Variants in SH3RF3 observed in about 807,000 individuals in gnomAD.
The protein encoded by SH3RF3 is SH3 domain containing ring finger 3, also known as E3 ubiquitin-protein ligase SH3RF3.
A neutral mutation model predicts 66.3 loss-of-function variants in SH3RF3; 29 were observed. The observed-to-expected ratio is 0.44, with a 90% CI of 0.33 to 0.60. The LOEUF (loss-of-function observed/expected upper bound fraction) is 0.60, where lower values mean the gene tolerates loss of function less well. Ranked by LOEUF, SH3RF3 falls within the 20% of genes least tolerant of loss-of-function variation. SH3RF3 has a pLI of 0.04. For missense variants in SH3RF3, 1,194 were observed against 1,190.9 expected (o/e 1.00, Z -0.04); for synonymous variants, 583 against 532.0 (o/e 1.10, Z -1.32).
intron 1 of SH3RF3, among the ~76,000 whole-genome samples, chr2:109,163,753 G>T (rs574268964): frequency 6.6e-6 from 1 of 152,232 alleles, no homozygotes; most frequent in South Asian, 2.1e-4. Flanking sequence ...AACTGGAATC[G>T]CCATCCTGTG....
At chr2:109,212,582 G>T (rs926316959) in intron 1 of SH3RF3, among the ~76,000 whole-genome samples, 1 of 152,112 alleles carries the variant, frequency 6.6e-6, no homozygotes, top group Non-Finnish European at 1.5e-5. Context: ...AGGAGAAGTC[G>T]GCTGACCCAC....
intron 6 of SH3RF3, among the ~76,000 whole-genome samples, chr2:109,435,108 G>C (rs146752313): frequency 4.1e-4 from 63 of 152,232 alleles, no homozygotes; most frequent in African/African-American, 1.5e-3. Flanking sequence ...TCCAAATCTA[G>C]CCCCGGTAAC....
intron 8 of SH3RF3, among the ~76,000 whole-genome samples, chr2:109,472,867 A>T (rs140990083): frequency 6.6e-6 from 1 of 152,292 alleles, no homozygotes; most frequent in Non-Finnish European, 1.5e-5. Flanking sequence ...ACTCAGACAT[A>T]TCCCAGGGCA....
rs144095081 is a variant in SH3RF3 at position 109,238,339 on chromosome 2, C to T, written c.573+108226C>T. 7.4e-3 allele frequency among the ~76,000 whole-genome samples: 1,125 copies of T among 152,242 alleles called. 9 individuals are homozygous for T. The highest frequency in any genetic ancestry group is 0.024 in the South Asian group (115 of 4,824). On this transcript the variant is annotated intron_variant, in intron 1 of 9. Coordinates refer to ENST00000309415, the MANE Select transcript of SH3RF3 (RefSeq NM_001099289.3). ...TTTAAAAATCTTATAAATCTATGCA[C>T]AGAGACAAGGCTGGAAGACAACTAC...
intron 8 of SH3RF3, among the ~76,000 whole-genome samples, chr2:109,451,041 G>A (rs1343903139): frequency 6.6e-6 from 1 of 152,222 alleles, no homozygotes; most frequent in Non-Finnish European, 1.5e-5. Flanking sequence ...CTCAACATGA[G>A]CCGGGAACGC....
At chr2:109,329,472 C>T (rs935216101) in intron 1 of SH3RF3, among the ~76,000 whole-genome samples, 9 of 152,206 alleles carry the variant, frequency 5.9e-5, no homozygotes, top group African/African-American at 1.9e-4. Context: ...GAGGCCATGG[C>T]TGGAGCGGTG....
chr2:109,131,530 G>C (rs535629967), intron 1 of SH3RF3, among the ~76,000 whole-genome samples: 145 of 152,210 alleles, frequency 9.5e-4, no homozygotes, highest in African/African-American at 3.4e-3. Flanking sequence ...CTAGTAAAAC[G>C]CTGGGACATT....
intron 8 of SH3RF3, among the ~76,000 whole-genome samples, chr2:109,468,630 G>A (rs551711381): frequency 6.6e-6 from 1 of 152,150 alleles, no homozygotes; most frequent in East Asian, 1.9e-4. Flanking sequence ...GAGGCAGGTG[G>A]ATCATTTGAG....
Position 109,129,547 on chromosome 2 carries a change from C to A in SH3RF3, c.7C>A (p.Leu3Ile). ...CGCTGCGGGCGCCTCCCCCATGCTGCTCGGAGCGTCCTGGCTGTGCGCATC... is the reference window on the plus strand; with the variant it reads ...CGCTGCGGGCGCCTCCCCCATGCTGATCGGAGCGTCCTGGCTGTGCGCATC... ML[L>I]GASWLCASKA... Residue 3 changes from leucine (L) to isoleucine (I), a missense_variant, in exon 1 of 10, where the codon CTC (leucine) becomes ATC (isoleucine). Transcript: ENST00000309415. The A allele has an allele frequency of 6.7e-7, 1 of 1,496,020 alleles. No individual in the cohort carries two copies. Among genetic ancestry groups the A allele is most frequent in the Admixed American group, 2.1e-5 (1 of 46,528 alleles). 92.7% of individuals were successfully genotyped at this position (1,496,020 alleles called of 1,614,324 possible).
At chr2:109,288,333 C>G (rs1323666443) in intron 1 of SH3RF3, among the ~76,000 whole-genome samples, 1 of 152,258 alleles carries the variant, frequency 6.6e-6, no homozygotes, top group East Asian at 1.9e-4. Context: ...GGGAGTTGCC[C>G]ATAGTTCTTA....
intron 2 of SH3RF3, among the ~76,000 whole-genome samples, chr2:109,348,508 G>A (rs2105564965): frequency 6.6e-6 from 1 of 152,352 alleles, no homozygotes; most frequent in East Asian, 1.9e-4. Context: ...ACTGACAGGT[G>A]AAATTGAGTA....
chr2:109,498,796 A>G (rs1679317204), intron 9 of SH3RF3, among the ~76,000 whole-genome samples: 1 of 152,184 alleles, frequency 6.6e-6, no homozygotes, highest in African/African-American at 2.4e-5. Context: ...GGTTGGGTAA[A>G]CAGGTGAATG....
chr2:109,327,973 A>G lies in SH3RF3; in HGVS notation c.574-19701A>G, dbSNP rs535448688. 9.8e-4 allele frequency among the ~76,000 whole-genome samples: 150 copies of G among 152,376 alleles called. 1 individual carries two copies. The highest frequency in any genetic ancestry group is 3.3e-3 in the African/African-American group (137 of 41,592). The stretch of plus-strand genomic sequence containing the variant: ...AATGACCCTGTGTCAGGCGATATCC[A>G]GCATCAGCAGCTGTCAACATGGTGC... On this transcript the variant is annotated intron_variant, in intron 1 of 9. Coordinates refer to ENST00000309415, the MANE Select transcript of SH3RF3 (RefSeq NM_001099289.3).
At chr2:109,464,130 CT>C (rs1328592322) in intron 8 of SH3RF3, among the ~76,000 whole-genome samples, 1 of 152,178 alleles carries the variant, frequency 6.6e-6, no homozygotes, top group Non-Finnish European at 1.5e-5. Flanking sequence ...CATTCAGTTT[CT>C]TCTAAAATAC....
At chr2:109,157,605 G>A (rs2104895145) in intron 1 of SH3RF3, among the ~76,000 whole-genome samples, 1 of 152,260 alleles carries the variant, frequency 6.6e-6, no homozygotes, top group Non-Finnish European at 1.5e-5. Context: ...TTGGAACTTG[G>A]GCTTCCTGAA....
chr2:109,187,781 G>A (rs1378743014), intron 1 of SH3RF3, among the ~76,000 whole-genome samples: 3 of 152,184 alleles, frequency 2.0e-5, no homozygotes, highest in African/African-American at 7.2e-5. Context: ...GCACACAGGT[G>A]GGCTTGCTTC....
chr2:109,173,789 C>T lies in SH3RF3; in HGVS notation c.573+43676C>T, dbSNP rs575849166. On this transcript the variant is annotated intron_variant, in intron 1 of 9. Transcript: ENST00000309415. ...GTGGTGTGTGCTGTGAGCTCAGTGT[C>T]GGCCCCTGACCAAAGGCATGCGATG... Among the ~76,000 whole-genome samples, 6 of 152,296 alleles carry T rather than the reference C, an allele frequency of 3.9e-5. No individual in the cohort carries two copies. The East Asian group carries it at 9.6e-4, about 24-fold the overall frequency.
At chr2:109,244,671 G>GCAAAA (rs1349545133) in intron 1 of SH3RF3, among the ~76,000 whole-genome samples, 1 of 152,194 alleles carries the variant, frequency 6.6e-6, no homozygotes, top group East Asian at 1.9e-4. Flanking sequence ...ACACAGGGAG[G>GCAAAA]AAATATGGAG....
chr2:109,246,599 C>T (rs1040533065), intron 1 of SH3RF3, among the ~76,000 whole-genome samples: 1 of 152,036 alleles, frequency 6.6e-6, no homozygotes, highest in Non-Finnish European at 1.5e-5. Context: ...CTGTAGTACC[C>T]TCCAGCCTTC....
Sources: allele counts gnomAD v4.1 joint callset (sites outside exome capture counted in the v4.1 genomes callset), GRCh38; gene constraint gnomAD v4.1.1; transcripts MANE v1.5; gene names NCBI Gene and HGNC (gene_info 2026-07-23, HGNC 2026-07-21).